Variants in TGFB2 observed in about 807,000 individuals in gnomAD.
TGFB2 encodes transforming growth factor beta-2 proprotein.
A neutral mutation model predicts 42.7 loss-of-function variants in TGFB2; 13 were observed. The ratio of observed to expected loss-of-function variants is 0.30; its 90% CI spans 0.20 to 0.48. The LOEUF is 0.48. Ranked by LOEUF, TGFB2 falls within the 20% of genes least tolerant of loss-of-function variation. The pLI is 0.99. For synonymous variants in TGFB2, 193 were observed against 193.6 expected (o/e 1.00, Z 0.03); for missense variants, 390 against 517.5 (o/e 0.75, Z 2.39).
intron 2 of TGFB2, 52 bp downstream of exon 2, chr1:218,405,384 A>ACTCT (rs142802402): frequency 7.9e-6 from 12 of 1,525,648 alleles, no homozygotes; most frequent in South Asian, 2.3e-5. Flanking sequence ...TTTTAGACAG[A>ACTCT]CTCTCTCTCT....
At position 218,442,617 on chromosome 1, in the gene TGFB2, G is replaced by A. The variant is rs1571908969; in HGVS notation, c.*1255G>A. 1 of 150,470 alleles carries A rather than the reference G, an allele frequency of 6.6e-6. No homozygotes were observed. Among genetic ancestry groups the A allele is most frequent in the East Asian group, 2.0e-4 (1 of 5,116 alleles). The allele number at this position is 150,470 out of a possible 1,614,324, so 9.3% of individuals were successfully genotyped here. On this transcript the variant is annotated 3_prime_UTR_variant, in exon 7 of 7. Transcript: ENST00000366930. ...TTTTAATAACATTTGCCCTACTTGT[G>A]CTTTGTGTTTCTTTCATTATTATGA...
intron 6 of TGFB2, among the ~76,000 whole-genome samples, chr1:218,439,271 A>C (rs1660075225): frequency 6.6e-6 from 1 of 152,130 alleles, no homozygotes. Flanking sequence ...AATTCCTAAA[A>C]TATGGTTACA....
At chr1:218,418,635 G>A (rs989008519) in intron 2 of TGFB2, among the ~76,000 whole-genome samples, 11 of 152,162 alleles carry the variant, frequency 7.2e-5, no homozygotes, top group Admixed American at 7.2e-4. Flanking sequence ...GTATGGTTTG[G>A]CTGTGTCCCC....
At chr1:218,431,359 T>C (rs748271570) in intron 2 of TGFB2, among the ~76,000 whole-genome samples, 39 of 152,204 alleles carry the variant, frequency 2.6e-4, no homozygotes, top group Non-Finnish European at 4.9e-4. Context: ...TAAGATAATC[T>C]AAATGTACTC....
Position 218,436,015 on chromosome 1 carries a change from T to C in TGFB2, c.800T>C (p.Ile267Thr). The change falls in exon 5 of 7, where the codon ATA becomes ACA. Residue 267 changes from isoleucine to threonine, a missense_variant. Ile to Thr is a moderately conservative substitution (Grantham distance 89, BLOSUM62 -1). Transcript: ENST00000366930. Reference protein sequence around the residue: ...STYTSGDQKTIKSTRKKNSGK... With the variant: ...STYTSGDQKTTKSTRKKNSGK... ...TATACCAGTGGTGATCAGAAAACTA[T>C]AAAGTCCACTAGGAAAAAAAACAGT... The C allele has an allele frequency of 6.2e-7, 1 of 1,613,922 alleles. No homozygotes were observed. Among genetic ancestry groups the C allele is most frequent in the Non-Finnish European group, 8.5e-7 (1 of 1,179,928 alleles).
chr1:218,373,785 CTGTAT>C (rs1046018086), intron 1 of TGFB2, among the ~76,000 whole-genome samples: 47 of 152,096 alleles, frequency 3.1e-4, no homozygotes, highest in African/African-American at 1.0e-3. Context: ...CCATATGCAT[CTGTAT>C]GTGTCAGGGC....
Position 218,346,809 on chromosome 1 carries a change from G to A in TGFB2, c.108G>A (p.Arg36=), listed in dbSNP as rs768388826. ...TLDMDQFMRK[R]IEAIRGQILS... ...ATATGGACCAGTTCATGCGCAAGAG[G>A]ATCGAGGCGATCCGCGGGCAGATCC... The change falls in exon 1 of 7, where the codon AGG becomes AGA. Residue 36 remains arginine, a synonymous_variant. Transcript: ENST00000366930. This position sits in a 1 kb window ranked among gnomAD's most constrained non-coding sequence, Gnocchi z 4.9. The A allele has an allele frequency of 6.2e-6, 10 of 1,614,152 alleles. No individual in the cohort carries two copies. In the South Asian group the frequency reaches 9.9e-5, roughly 16 times the overall value.
At chr1:218,427,354 C>T (rs1014014066) in intron 2 of TGFB2, among the ~76,000 whole-genome samples, 12 of 151,922 alleles carry the variant, frequency 7.9e-5, no homozygotes, top group African/African-American at 2.7e-4. Flanking sequence ...TATTATTATA[C>T]TTTAAGTTCT....
chr1:218,360,558 G>A (rs1657176153), intron 1 of TGFB2, among the ~76,000 whole-genome samples: 1 of 152,162 alleles, frequency 6.6e-6, no homozygotes. Flanking sequence ...GCTAATGCAT[G>A]CAGGGCTTGA....
chr1:218,444,566 G>A lies in TGFB2; in HGVS notation c.*3204G>A, dbSNP rs1406979040. ...ACCTACAAGACCAGACTCCTCAAAC[G>A]AGTTGCCAATCTCTTAATAAATAGG... On this transcript the variant is annotated 3_prime_UTR_variant, in exon 7 of 7. Coordinates refer to ENST00000366930, the MANE Select transcript of TGFB2 (RefSeq NM_003238.6). The A allele has an allele frequency of 6.6e-6, 1 of 152,110 alleles. No homozygotes were observed. The highest frequency in any genetic ancestry group is 2.4e-5 in the African/African-American group (1 of 41,414). 9.4% of individuals were successfully genotyped at this position (152,110 alleles called of 1,614,324 possible). A position where few individuals can be genotyped will look rare whatever the true frequency, so the allele number is the denominator to read the frequency against.
chr1:218,397,119 T>G (rs549995742), intron 1 of TGFB2, among the ~76,000 whole-genome samples: 2 of 150,894 alleles, frequency 1.3e-5, no homozygotes, highest in Non-Finnish European at 2.9e-5. Flanking sequence ...ATACAAAAAA[T>G]TAGCCAGGCG....
chr1:218,396,586 A>G (rs1295110140), intron 1 of TGFB2, among the ~76,000 whole-genome samples: 2 of 150,880 alleles, frequency 1.3e-5, no homozygotes, highest in South Asian at 2.1e-4. Flanking sequence ...TTATTTTTAT[A>G]TTGAGTCAAA....
chr1:218,438,580 C>A (rs539177861), intron 6 of TGFB2, among the ~76,000 whole-genome samples: 2 of 150,638 alleles, frequency 1.3e-5, no homozygotes, highest in South Asian at 4.2e-4. Flanking sequence ...CGTTTCTCTA[C>A]TTTTTTTTTA....
At chr1:218,415,622 T>G (rs1452543178) in intron 2 of TGFB2, among the ~76,000 whole-genome samples, 1 of 139,828 alleles carries the variant, frequency 7.2e-6, no homozygotes, top group African/African-American at 2.8e-5. Context: ...TTGAACCTGG[T>G]AGGCGGAATT....
In TGFB2 at chr1:218,436,134, G is replaced by A. The variant is rs1178400838; in HGVS notation, c.919G>A (p.Ala307Thr). Residue 307 changes from alanine (A) to threonine (T), a missense_variant, in exon 5 of 7, where the codon GCC (alanine) becomes ACC (threonine). Physicochemically the swap from Ala to Thr is moderately conservative, Grantham distance 58. Transcript: ENST00000366930. ...GCGGAAGAAGCGTGCTTTGGATGCG[G>A]CCTATTGCTTTAGGTAAAGGAAAGA... is the stretch of plus-strand genomic sequence containing the variant. Reference protein sequence around the residue: ...NRRKKRALDAAYCFRNVQDNC... With the variant: ...NRRKKRALDATYCFRNVQDNC... 1 of 1,611,236 alleles carries A rather than the reference G, an allele frequency of 6.2e-7. No homozygotes were observed. Among genetic ancestry groups the A allele is most frequent in the East Asian group, 2.2e-5 (1 of 44,868 alleles).
intron 2 of TGFB2, among the ~76,000 whole-genome samples, chr1:218,418,765 CATG>C (rs1215181542): frequency 6.6e-6 from 1 of 152,074 alleles, no homozygotes; most frequent in African/African-American, 2.4e-5. Context: ...CTCATGATAT[CATG>C]ATAAGTCTCA....
chr1:218,423,741 G>A (rs984559847), intron 2 of TGFB2, among the ~76,000 whole-genome samples: 3 of 152,160 alleles, frequency 2.0e-5, no homozygotes, highest in African/African-American at 2.4e-5. Flanking sequence ...GGCATTAGAA[G>A]CCTCTGAAAG....
intron 1 of TGFB2, among the ~76,000 whole-genome samples, chr1:218,385,343 T>C (rs143254224): frequency 1.3e-5 from 2 of 152,324 alleles, no homozygotes; most frequent in South Asian, 2.1e-4. Context: ...GTACTTATCA[T>C]TTTGCATTTA....
At chr1:218,381,016 A>G (rs111644133) in intron 1 of TGFB2, among the ~76,000 whole-genome samples, 4 of 152,280 alleles carry the variant, frequency 2.6e-5, no homozygotes, top group African/African-American at 9.6e-5. Context: ...CCCAAGATCA[A>G]TTCTCTTCTG....
Sources: gnomAD v4.1 joint callset for allele counts (sites outside exome capture counted in the v4.1 genomes callset) on GRCh38, gnomAD v4.1.1 for gene constraint, Gnocchi (gnomAD v3.1) non-coding constraint, MANE v1.5 for transcripts, NCBI Gene and HGNC (gene_info 2026-07-23, HGNC 2026-07-21) for gene names.